GRK3: variants seen among roughly 807,000 people sequenced by gnomAD.
The protein encoded by GRK3 is G protein-coupled receptor kinase 3, also known as adrenergic, beta, receptor kinase 2.
GRK3 carries 54 observed loss-of-function variants against 95.7 expected under a neutral mutation model. The observed-to-expected ratio is 0.56, with a 90% CI of 0.45 to 0.71. The LOEUF is 0.71. GRK3 is among the 30% of genes least tolerant of loss of function. GRK3 has a pLI of 0.00. For missense variants in GRK3, 649 were observed against 851.2 expected, an observed-to-expected ratio of 0.76 and a Z score of 2.96; for synonymous variants, 281 against 290.8, an observed-to-expected ratio of 0.97 and a Z score of 0.34.
intron 1 of GRK3, among the ~76,000 whole-genome samples, chr22:25,576,371 A>T (rs2331123): frequency 3.3e-4 from 50 of 152,314 alleles, no homozygotes; most frequent in African/African-American, 1.1e-3. Context: ...TCATCTTTCC[A>T]TATTTTCATG....
At chr22:25,573,836 T>C (rs550731116) in intron 1 of GRK3, among the ~76,000 whole-genome samples, 3 of 151,816 alleles carry the variant, frequency 2.0e-5, no homozygotes, top group Non-Finnish European at 4.4e-5. Flanking sequence ...GAGGCAGAGG[T>C]TGCAGTGAGC....
chr22:25,680,452 T>C (rs1175729205), intron 9 of GRK3, among the ~76,000 whole-genome samples: 1 of 152,242 alleles, frequency 6.6e-6, no homozygotes, highest in Non-Finnish European at 1.5e-5. Flanking sequence ...TAATTTTCAG[T>C]GAGTTATCTC....
intron 1 of GRK3, among the ~76,000 whole-genome samples, chr22:25,603,739 C>G (rs992092397): frequency 3.3e-5 from 5 of 152,132 alleles, no homozygotes; most frequent in African/African-American, 1.2e-4. Flanking sequence ...CTGTTTATCA[C>G]TGTGGTATAT....
chr22:25,626,508 AC>A, intron 2 of GRK3, among the ~76,000 whole-genome samples: 1 of 152,306 alleles, frequency 6.6e-6, no homozygotes, highest in East Asian at 1.9e-4. Context: ...CTATTAAGGC[AC>A]TGGGTGTTAC....
chr22:25,577,401 C>G (rs979730365), intron 1 of GRK3, among the ~76,000 whole-genome samples: 7 of 152,196 alleles, frequency 4.6e-5, no homozygotes, highest in Admixed American at 4.6e-4. Flanking sequence ...TCTCGAACTC[C>G]TGGCCTCAAG....
At chr22:25,625,645 A>T (rs1212351602) in intron 2 of GRK3, among the ~76,000 whole-genome samples, 4 of 152,144 alleles carry the variant, frequency 2.6e-5, no homozygotes, top group Non-Finnish European at 4.4e-5. Context: ...GCCCACAGTT[A>T]TCCGGAGGCC....
At chr22:25,625,532 G>A (rs1392929834) in intron 2 of GRK3, among the ~76,000 whole-genome samples, 1 of 152,166 alleles carries the variant, frequency 6.6e-6, no homozygotes, top group Non-Finnish European at 1.5e-5. Flanking sequence ...AACAACACTC[G>A]CTACTTAGCA....
At chr22:25,672,179 T>C (rs991730845) in intron 6 of GRK3, 117 bp from the exon 7 acceptor site, 20 of 561,918 alleles carry the variant, frequency 3.6e-5, no homozygotes, top group Non-Finnish European at 5.7e-5. Flanking sequence ...TCAGAAAACT[T>C]AACTTTATTT....
rs2084952156 is a variant in GRK3 at position 25,667,765 on chromosome 22, C to T, written c.468C>T (p.Ser156=). Residue 156 remains serine, a synonymous_variant, in exon 6 of 21, where the codon AGC becomes AGT. Transcript: ENST00000324198. ...FQPYIEEICE[S]LRGDIFQKFM... Reference sequence around the variant, plus strand: ...CATACATAGAAGAAATTTGTGAAAGCCTTCGAGGTGACATTTTTCAAAAAT... The same window carrying T: ...CATACATAGAAGAAATTTGTGAAAGTCTTCGAGGTGACATTTTTCAAAAAT... The T allele has an allele frequency of 6.2e-7, 1 of 1,611,742 alleles. No homozygotes were observed. The highest frequency in any genetic ancestry group is 8.5e-7 in the Non-Finnish European group (1 of 1,178,180).
intron 1 of GRK3, among the ~76,000 whole-genome samples, chr22:25,577,143 A>T (rs1361638009): frequency 6.6e-6 from 1 of 152,006 alleles, no homozygotes; most frequent in African/African-American, 2.4e-5. Flanking sequence ...CCTTGACTTG[A>T]ACACGTTTGT....
At chr22:25,647,182 T>TTGGGCCCCCCC in intron 3 of GRK3, 1 of 123,988 alleles carries the variant, frequency 8.1e-6, no homozygotes, top group Non-Finnish European at 1.6e-5. Flanking sequence ...GGGCCTCACC[T>TTGGGCCCCCCC]CCACCCACCG....
intron 2 of GRK3, among the ~76,000 whole-genome samples, chr22:25,636,424 C>T (rs181981030): frequency 4.1e-4 from 62 of 152,266 alleles, no homozygotes; most frequent in Middle Eastern, 3.4e-3. Context: ...CATATTTTAA[C>T]TCTCTTATCC....
chr22:25,703,973 A>G (rs1407233886), intron 14 of GRK3, 136 bp from the exon 15 acceptor site: 2 of 616,440 alleles, frequency 3.2e-6, no homozygotes, highest in African/African-American at 3.7e-5. Context: ...ATGTTTCTAT[A>G]GAGTAAATAT....
At chr22:25,648,337 A>T in intron 3 of GRK3, 1 of 1,262,860 alleles carries the variant, frequency 7.9e-7, no homozygotes, top group Non-Finnish European at 1.2e-6. Flanking sequence ...GAACATGCTG[A>T]TGGTTTATGC....
intron 15 of GRK3, among the ~76,000 whole-genome samples, chr22:25,707,408 A>G (rs1568937163): frequency 1.3e-5 from 2 of 152,178 alleles, no homozygotes; most frequent in African/African-American, 4.8e-5. Flanking sequence ...CTTTCATTCA[A>G]TGTCTGTTTA....
chr22:25,654,206 A>G (rs1046372748), intron 3 of GRK3, among the ~76,000 whole-genome samples: 1 of 152,218 alleles, frequency 6.6e-6, no homozygotes, highest in African/African-American at 2.4e-5. Context: ...AGTAAAATAG[A>G]AATTAGAAAC....
chr22:25,666,154 A>G (rs2146406214), intron 5 of GRK3, among the ~76,000 whole-genome samples: 1 of 152,340 alleles, frequency 6.6e-6, no homozygotes, highest in Non-Finnish European at 1.5e-5. Flanking sequence ...GAAAAGTGGC[A>G]GCATGGTAGA....
intron 3 of GRK3, chr22:25,647,517 T>C: frequency 6.7e-7 from 1 of 1,487,030 alleles, no homozygotes; most frequent in Non-Finnish European, 9.4e-7. Flanking sequence ...CAAGTTCATA[T>C]CCTGCTGGCT....
chr22:25,659,321 A>G (rs1353591621), intron 3 of GRK3, among the ~76,000 whole-genome samples: 1 of 152,220 alleles, frequency 6.6e-6, no homozygotes, highest in East Asian at 1.9e-4. Context: ...GGATTGGGCC[A>G]GACAGAGATG....
Sources: allele counts gnomAD v4.1 joint callset (sites outside exome capture counted in the v4.1 genomes callset), GRCh38; gene constraint gnomAD v4.1.1; transcripts MANE v1.5; gene names NCBI Gene and HGNC (gene_info 2026-07-23, HGNC 2026-07-21).